The following ZNF875 variants were observed in gnomAD, a reference collection of about 807,000 sequenced individuals.
The protein encoded by ZNF875 is HKR1, GLI-Kruppel zinc finger family member.
In ZNF875, 14 loss-of-function variants were observed where a neutral mutation model predicts 11.2. The ratio of observed to expected loss-of-function variants is 1.26; its 90% CI spans 0.83 to 1.96. The LOEUF (loss-of-function observed/expected upper bound fraction) is 1.96. Among genes scored for constraint, ZNF875 ranks in the 30% most tolerant of loss-of-function variants. The pLI is 0.00. For missense variants in ZNF875, 752 were observed against 760.4 expected, an observed-to-expected ratio of 0.99 and a Z score of 0.13; for synonymous variants, 301 against 281.1, an observed-to-expected ratio of 1.07 and a Z score of -0.71.
intron 2 of ZNF875, among the ~76,000 whole-genome samples, chr19:37,338,030 A>C (rs2034866675): frequency 6.6e-6 from 1 of 152,210 alleles, no homozygotes; most frequent in Non-Finnish European, 1.5e-5. Flanking sequence ...TCATTTCTAA[A>C]ATAGTTAATT....
intron 1 of ZNF875, among the ~76,000 whole-genome samples, chr19:37,321,144 T>C (rs1315151493): frequency 6.6e-6 from 1 of 152,154 alleles, no homozygotes; most frequent in African/African-American, 2.4e-5. Context: ...CCCCTTGTGA[T>C]GGTCTGGAAT....
chr19:37,328,863 AG>A (rs1286953831), intron 4 of ZNF875: 1 of 152,212 alleles, frequency 6.6e-6, no homozygotes, highest in African/African-American at 2.4e-5. Flanking sequence ...TACAGGGTTC[AG>A]GTCCATTCTG....
At chr19:37,333,625 G>T (rs549556426), upstream of ZNF875, among the ~76,000 whole-genome samples, 2 of 152,046 alleles carry the variant, frequency 1.3e-5, no homozygotes, top group Non-Finnish European at 2.9e-5. Flanking sequence ...GGATGGTTAC[G>T]AGGAAATTGT....
intron 2 of ZNF875, among the ~76,000 whole-genome samples, chr19:37,340,199 C>T (rs1007934555): frequency 3.3e-5 from 5 of 152,144 alleles, no homozygotes; most frequent in Admixed American, 3.3e-4. Flanking sequence ...TCAGATTGGT[C>T]TTGAACTCCT....
chr19:37,361,199 C>T (rs557943475), intron 4 of ZNF875, among the ~76,000 whole-genome samples: 1 of 151,026 alleles, frequency 6.6e-6, no homozygotes, highest in South Asian at 2.1e-4. Context: ...CAACGTCCGC[C>T]TCCGGGGTTC....
rs386388968 is a variant in ZNF875, at chr19:37,340,644, CTTTT to C, written c.33+5406_33+5409del. On this transcript the variant is annotated intron_variant, in intron 2 of 4. Transcript: ENST00000392153. ...CCACAGGGGAGTCATCTTATGTGTA[CTTTT>C]TTTTTTTTTTTTTTTTTTGAGACGG... Among the ~76,000 whole-genome samples the C allele has an allele frequency of 4.8e-5, 5 of 104,712 alleles. No homozygotes were observed. The South Asian group carries it at 1.0e-3, about 21-fold the overall frequency. 68.7% of individuals were successfully genotyped at this position (104,712 alleles called of 152,430 possible).
chr19:37,354,046 A>G (rs1313307171), intron 4 of ZNF875, among the ~76,000 whole-genome samples: 2 of 151,720 alleles, frequency 1.3e-5, no homozygotes, highest in African/African-American at 4.8e-5. Flanking sequence ...CTGAAGATTC[A>G]TATTGTCTCA....
chr19:37,317,952 T>G (rs2030369700), exon 1 of ZNF875: 1 of 155,334 alleles, frequency 6.4e-6, no homozygotes, highest in South Asian at 1.8e-4. Flanking sequence ...GCCAGTGTGA[T>G]TCCGCAGTCT....
intron 1 of ZNF875, chr19:37,318,293 A>C (rs1486013953): frequency 6.6e-6 from 1 of 152,248 alleles, no homozygotes; most frequent in Non-Finnish European, 1.5e-5. Flanking sequence ...AGTAGGTTGA[A>C]GTTTATTAAA....
intron 4 of ZNF875, chr19:37,357,886 C>T: frequency 2.5e-6 from 1 of 398,144 alleles, no homozygotes; most frequent in Middle Eastern, 6.3e-4. Flanking sequence ...TGCATGATTG[C>T]TTTCTCTAGG....
intron 1 of ZNF875, among the ~76,000 whole-genome samples, chr19:37,318,463 AGTTTTGGTG>A (rs2030517414): frequency 6.6e-6 from 1 of 151,596 alleles, no homozygotes; most frequent in South Asian, 2.1e-4. Flanking sequence ...ACCAATTTTT[AGTTTTGGTG>A]GTTGTCCTAA....
chr19:37,322,737 C>G (rs182037659), intron 2 of ZNF875, among the ~76,000 whole-genome samples: 7 of 152,304 alleles, frequency 4.6e-5, no homozygotes, highest in African/African-American at 1.4e-4. Context: ...AGAAATGCAG[C>G]TGTAAACACT....
At chr19:37,331,405 A>G (rs1225146151), upstream of ZNF875, among the ~76,000 whole-genome samples, 5 of 151,750 alleles carry the variant, frequency 3.3e-5, no homozygotes, top group Non-Finnish European at 7.4e-5. Flanking sequence ...GGGAAAAGCA[A>G]GAGAGATCAG....
At chr19:37,316,388 A>G (rs1031816764), upstream of ZNF875, among the ~76,000 whole-genome samples, 12 of 152,188 alleles carry the variant, frequency 7.9e-5, no homozygotes, top group African/African-American at 2.9e-4. Flanking sequence ...TATTTTTTTG[A>G]GACGGAGTTT....
chr19:37,328,203 C>T (rs1215600791), intron 4 of ZNF875, among the ~76,000 whole-genome samples: 2 of 152,064 alleles, frequency 1.3e-5, no homozygotes, highest in African/African-American at 4.8e-5. Flanking sequence ...CGCACCATTG[C>T]ACTCCAGCCT....
upstream of ZNF875, among the ~76,000 whole-genome samples, chr19:37,331,621 C>G (rs1445263884): frequency 6.8e-6 from 1 of 147,488 alleles, no homozygotes; most frequent in Non-Finnish European, 1.5e-5. Context: ...TGCTTGAAGG[C>G]AGCATGCTCC....
intron 4 of ZNF875, among the ~76,000 whole-genome samples, chr19:37,357,772 G>C (rs1053467771): frequency 4.6e-5 from 7 of 151,862 alleles, no homozygotes; most frequent in Non-Finnish European, 8.8e-5. Context: ...TCTAGGTATA[G>C]GATTATTTTC....
chr19:37,352,923 G>C lies in ZNF875; in HGVS notation c.256+5051G>C, dbSNP rs569724346. On this transcript the variant is annotated intron_variant, in intron 4 of 4. Coordinates refer to ENST00000392153, the MANE Select transcript of ZNF875 (RefSeq NM_001353803.2). The stretch of plus-strand genomic sequence containing the variant: ...ATAGTCTCACTCTGTCACCGAGACT[G>C]GAGTGCAGTGGTGAGATCTTGGCTC... 2.8e-5 allele frequency among the ~76,000 whole-genome samples: 4 copies of C among 141,290 alleles called. No homozygotes were observed. The South Asian group carries it at 9.0e-4, about 32-fold the overall frequency. The allele number at this position is 141,290 out of a possible 152,430, so 92.7% of individuals were successfully genotyped here.
chr19:37,348,438 T>TTC (rs1419599989), intron 4 of ZNF875, among the ~76,000 whole-genome samples: 2 of 152,218 alleles, frequency 1.3e-5, no homozygotes, highest in Non-Finnish European at 2.9e-5. Flanking sequence ...GGATTTGTAA[T>TTC]TCTCATGCAT....
Sources: gnomAD v4.1 joint callset for allele counts (sites outside exome capture counted in the v4.1 genomes callset) on GRCh38, gnomAD v4.1.1 for gene constraint, MANE v1.5 for transcripts, NCBI Gene and HGNC (gene_info 2026-07-23, HGNC 2026-07-21) for gene names.